The following PROCR variants were observed in gnomAD, a reference collection of about 807,000 sequenced individuals.
PROCR encodes protein C receptor.
PROCR carries 22 observed loss-of-function variants against 24.2 expected under a neutral mutation model. The observed-to-expected ratio is 0.91, with a 90% CI of 0.65 to 1.30. The LOEUF (loss-of-function observed/expected upper bound fraction) is 1.30. Among genes scored for constraint, PROCR ranks in the 50% most tolerant of loss-of-function variants. PROCR has a pLI of 0.00. For missense variants in PROCR, 288 were observed against 307.7 expected (o/e 0.94, Z 0.48); for synonymous variants, 137 against 139.2 (o/e 0.98, Z 0.11).
intron 1 of PROCR, chr20:35,195,218 GATGA>G (rs747721953): frequency 1.2e-4 from 19 of 152,226 alleles, no homozygotes; most frequent in South Asian, 8.3e-4. Flanking sequence ...ATAACAGATG[GATGA>G]ATGAATGAGT....
chr20:35,181,994 A>C (rs2146152870), downstream of PROCR, among the ~76,000 whole-genome samples: 1 of 152,292 alleles, frequency 6.6e-6, no homozygotes, highest in Admixed American at 6.5e-5. Flanking sequence ...ATATTAAAGG[A>C]ATTCTCCTCT....
intron 1 of PROCR, among the ~76,000 whole-genome samples, chr20:35,187,048 C>A (rs1293846131): frequency 6.6e-6 from 1 of 152,138 alleles, no homozygotes; most frequent in Non-Finnish European, 1.5e-5. Flanking sequence ...TGCGCTTCCT[C>A]AATCCATAGT....
chr20:35,204,348 T>TCCTCCCTCCCTCCCTCCTTC (rs751929926), intron 1 of PROCR, among the ~76,000 whole-genome samples: 2 of 150,168 alleles, frequency 1.3e-5, no homozygotes. Flanking sequence ...TTTCCTTCCT[T>TCCTCCCTCCCTCCCTCCTTC]CCTCCCTCCC....
chr20:35,208,393 C>A (rs1238837030), intron 1 of PROCR, among the ~76,000 whole-genome samples: 2 of 152,198 alleles, frequency 1.3e-5, no homozygotes, highest in Non-Finnish European at 2.9e-5. Context: ...CACATTGTCT[C>A]CTGTTTGTCC....
chr20:35,172,130 C>T lies in PROCR; in HGVS notation c.-25C>T. On this transcript the variant is annotated 5_prime_UTR_variant, in exon 1 of 4. Transcript: ENST00000216968. ...CCCGCAGCCGGCCCGAGCCAGGAAC[C>T]CAGGTCCGGAGCCTCAACTTCAGGA... is the stretch of plus-strand genomic sequence containing the variant. 1 of 1,613,750 alleles carries T rather than the reference C, an allele frequency of 6.2e-7. No homozygotes were observed. The highest frequency in any genetic ancestry group is 1.1e-5 in the South Asian group (1 of 91,076).
intron 1 of PROCR, among the ~76,000 whole-genome samples, chr20:35,192,879 A>G (rs1378030154): frequency 6.6e-6 from 1 of 152,192 alleles, no homozygotes; most frequent in Non-Finnish European, 1.5e-5. Flanking sequence ...AAGTACCCAA[A>G]CACCATCAAG....
At position 35,174,926 on chromosome 20, in the gene PROCR, C is replaced by T. The variant is rs369808638; in HGVS notation, c.295C>T (p.Leu99=). The change falls in exon 2 of 4, where the codon CTG becomes TTG. Residue 99 remains leucine, a synonymous_variant. Transcript: ENST00000216968. ...YLLQFHGLVR[L]VHQERTLAFP... is the part of the protein sequence containing the mutation. ...GCTCCAGTTCCACGGCCTCGTGCGCCTGGTGCACCAGGAGCGGACCTTGGC... is the reference window on the plus strand; with the variant it reads ...GCTCCAGTTCCACGGCCTCGTGCGCTTGGTGCACCAGGAGCGGACCTTGGC... 2 of 1,446,486 alleles carry T rather than the reference C, an allele frequency of 1.4e-6. No individual in the cohort carries two copies. The highest frequency in any genetic ancestry group is 2.9e-5 in the African/African-American group (2 of 68,788). 89.6% of individuals were successfully genotyped at this position (1,446,486 alleles called of 1,614,324 possible).
At chr20:35,178,414 TAA>T (rs374008630), downstream of PROCR, among the ~76,000 whole-genome samples, 4 of 49,816 alleles carry the variant, frequency 8.0e-5, no homozygotes, top group Non-Finnish European at 1.4e-4. Flanking sequence ...TTTTTAATTC[TAA>T]AAAAAAAAAA....
At chr20:35,203,409 T>G (rs1171509760) in intron 1 of PROCR, 1 of 152,204 alleles carries the variant, frequency 6.6e-6, no homozygotes, top group Non-Finnish European at 1.5e-5. Context: ...GCACATTTAT[T>G]AGACTATAAT....
intron 1 of PROCR, among the ~76,000 whole-genome samples, chr20:35,204,410 T>C (rs2060330404): frequency 7.0e-6 from 1 of 141,990 alleles, no homozygotes; most frequent in African/African-American, 2.6e-5. Context: ...CTCTCTTTTC[T>C]TTCCTTTTCT....
chr20:35,174,339 G>A, intron 1 of PROCR: 1 of 350,930 alleles, frequency 2.8e-6, no homozygotes, highest in Non-Finnish European at 5.6e-6. Context: ...AGTGGAAGAG[G>A]AGATGGAGAA....
At chr20:35,174,515 A>C (rs1670872183) in intron 1 of PROCR, 187 bp from the exon 2 acceptor site, 2 of 721,842 alleles carry the variant, frequency 2.8e-6, no homozygotes, top group Admixed American at 4.3e-5. Context: ...CGGAGATAAT[A>C]ATCCCTGTCC....
At chr20:35,208,900 A>G (rs1365056075) in intron 1 of PROCR, among the ~76,000 whole-genome samples, 2 of 150,552 alleles carry the variant, frequency 1.3e-5, no homozygotes, top group African/African-American at 2.4e-5. Flanking sequence ...TGAATCCAGG[A>G]GGCGGAGGCT....
chr20:35,192,545 C>T (rs528482843), intron 1 of PROCR, among the ~76,000 whole-genome samples: 1 of 152,216 alleles, frequency 6.6e-6, no homozygotes, highest in South Asian at 2.1e-4. Context: ...GCATATCCCC[C>T]GGGTTGCTTT....
rs1326532678 is a variant in PROCR at position 35,172,165 on chromosome 20, C to T, written c.11C>T (p.Thr4Ile). 2 of 1,614,078 alleles carry T rather than the reference C, an allele frequency of 1.2e-6. No homozygotes were observed. The highest frequency in any genetic ancestry group is 1.3e-5 in the African/African-American group (1 of 74,934). ...AGCCTCAACTTCAGGATGTTGACAA[C>T]ATTGCTGCCGATACTGCTGCTGTCT... Reference protein sequence around the residue: MLTTLLPILLLSGW... With the variant: MLTILLPILLLSGW... Residue 4 changes from threonine (T) to isoleucine (I), a missense_variant, in exon 1 of 4, where the codon ACA becomes ATA. Thr to Ile is a moderately conservative substitution (Grantham distance 89, BLOSUM62 -1). Transcript: ENST00000216968.
intron 1 of PROCR, among the ~76,000 whole-genome samples, chr20:35,211,057 G>A (rs1015775727): frequency 2.0e-5 from 3 of 152,100 alleles, no homozygotes; most frequent in Non-Finnish European, 4.4e-5. Flanking sequence ...AGAAAAAGTC[G>A]GCTTGGAGCC....
chr20:35,182,329 C>A (rs1208174887), downstream of PROCR, among the ~76,000 whole-genome samples: 1 of 152,142 alleles, frequency 6.6e-6, no homozygotes, highest in Non-Finnish European at 1.5e-5. Context: ...GAGACAGACT[C>A]TTGGTCTGTT....
chr20:35,201,557 G>A (rs1024630133), intron 1 of PROCR, among the ~76,000 whole-genome samples: 1 of 151,864 alleles, frequency 6.6e-6, no homozygotes, highest in Admixed American at 6.6e-5. Context: ...GCAAGGTGGT[G>A]CATGCCTGTA....
chr20:35,179,103 G>A (rs2086054723), downstream of PROCR, among the ~76,000 whole-genome samples: 2 of 150,810 alleles, frequency 1.3e-5, no homozygotes, highest in Non-Finnish European at 3.0e-5. Context: ...CATGGTTGCG[G>A]GCGCCTGTAG....
Sources: allele counts gnomAD v4.1 joint callset (sites outside exome capture counted in the v4.1 genomes callset), GRCh38; gene constraint gnomAD v4.1.1; transcripts MANE v1.5; gene names NCBI Gene and HGNC (gene_info 2026-07-23, HGNC 2026-07-21).